Variants in DOCK3 observed in about 807,000 individuals in gnomAD.
DOCK3 encodes dedicator of cytokinesis protein 3.
DOCK3 carries 60 observed loss-of-function variants against 265.6 expected under a neutral mutation model. The ratio of observed to expected loss-of-function variants is 0.23; its 90% CI spans 0.18 to 0.28. The LOEUF (loss-of-function observed/expected upper bound fraction) is 0.28, where lower values mean the gene tolerates loss of function less well. Among genes scored for constraint, DOCK3 ranks in the 10% least tolerant of loss-of-function variants. DOCK3 has a pLI of 1.00. For missense variants in DOCK3, 1,981 were observed against 2,594.3 expected, an observed-to-expected ratio of 0.76 and a Z score of 5.14; for synonymous variants, 881 against 938.0, an observed-to-expected ratio of 0.94 and a Z score of 1.11.
chr3:50,842,593 G>A (rs929794617), intron 3 of DOCK3, among the ~76,000 whole-genome samples: 12 of 151,998 alleles, frequency 7.9e-5, no homozygotes, highest in African/African-American at 2.9e-4. Flanking sequence ...CTTGTGCAAT[G>A]TGAGATGTTT....
At chr3:50,788,399 A>C (rs572629719) in intron 2 of DOCK3, 1 of 211,008 alleles carries the variant, frequency 4.7e-6, no homozygotes, top group East Asian at 1.1e-4. Flanking sequence ...TCAAATGAAA[A>C]AAAGATATTC....
At chr3:50,787,045 T>C in intron 2 of DOCK3, 3 of 738,826 alleles carry the variant, frequency 4.1e-6, no homozygotes, top group South Asian at 4.1e-5. Context: ...ATTTCTTTTC[T>C]TCATATCCAT....
intron 1 of DOCK3, among the ~76,000 whole-genome samples, chr3:50,712,634 G>A (rs943086416): frequency 3.3e-5 from 5 of 152,246 alleles, no homozygotes; most frequent in African/African-American, 9.6e-5. Context: ...CACCATGTCC[G>A]GCCGCCTCTT....
At chr3:51,353,469 A>G (rs1231872466) in intron 40 of DOCK3, among the ~76,000 whole-genome samples, 2 of 152,204 alleles carry the variant, frequency 1.3e-5, no homozygotes, top group Non-Finnish European at 2.9e-5. Flanking sequence ...AAAATTAGCC[A>G]GGCATGGTGC....
intron 3 of DOCK3, among the ~76,000 whole-genome samples, chr3:50,843,205 G>A (rs1209446132): frequency 6.6e-6 from 1 of 152,120 alleles, no homozygotes; most frequent in African/African-American, 2.4e-5. Context: ...TTTGTGACTT[G>A]ACTGGGTCAG....
intron 3 of DOCK3, among the ~76,000 whole-genome samples, chr3:50,855,705 A>G (rs1416218462): frequency 1.3e-5 from 2 of 152,152 alleles, no homozygotes; most frequent in East Asian, 1.9e-4. Context: ...GTCCAGGGAT[A>G]CATGTGCAGG....
At chr3:50,782,174 G>A (rs973253299) in intron 2 of DOCK3, among the ~76,000 whole-genome samples, 2 of 151,578 alleles carry the variant, frequency 1.3e-5, no homozygotes, top group African/African-American at 4.8e-5. Context: ...TGGCAGTTCT[G>A]TTTTTAGGTC....
chr3:51,103,588 A>G (rs556244346), intron 9 of DOCK3, among the ~76,000 whole-genome samples: 13 of 152,366 alleles, frequency 8.5e-5, no homozygotes, highest in African/African-American at 3.1e-4. Context: ...AAGGTTCAAA[A>G]CAATTCTCCA....
At chr3:50,979,960 C>T (rs140390113) in intron 5 of DOCK3, among the ~76,000 whole-genome samples, 34 of 152,166 alleles carry the variant, frequency 2.2e-4, no homozygotes, top group African/African-American at 8.2e-4. Flanking sequence ...TTTCTCTTGC[C>T]TGATTACTCT....
At chr3:51,315,623 T>G (rs1472289288) in intron 32 of DOCK3, among the ~76,000 whole-genome samples, 1 of 152,066 alleles carries the variant, frequency 6.6e-6, no homozygotes, top group African/African-American at 2.4e-5. Context: ...GTGTAGTTCT[T>G]TTGCCACCAC....
At chr3:50,895,170 A>G (rs1233618113) in intron 4 of DOCK3, among the ~76,000 whole-genome samples, 1 of 150,712 alleles carries the variant, frequency 6.6e-6, no homozygotes, top group Non-Finnish European at 1.5e-5. Flanking sequence ...TTCAGCATCC[A>G]TATGAAATGC....
At chr3:51,006,976 G>A (rs2078705527) in intron 5 of DOCK3, among the ~76,000 whole-genome samples, 1 of 152,148 alleles carries the variant, frequency 6.6e-6, no homozygotes, top group Non-Finnish European at 1.5e-5. Context: ...TGGCTGTGTA[G>A]TATTCCATGG....
chr3:51,356,103 G>T lies in DOCK3; in HGVS notation c.4264G>T (p.Ala1422Ser). The T allele has an allele frequency of 6.2e-7, 1 of 1,613,964 alleles. No individual in the cohort carries two copies. The highest frequency in any genetic ancestry group is 8.5e-7 in the Non-Finnish European group (1 of 1,179,878). ...TTCCTGCCCAGACTTGCAGATCTAT[G>T]CAGTGACGCCCATTCCAGATTATGT... The part of the protein sequence containing the change: ...QCDAQYLQIY[A>S]VTPIPDYVDV... The change falls in exon 42 of 53, where the codon GCA (alanine) becomes TCA (serine). Residue 1422 changes from alanine to serine, a missense_variant. Physicochemically the swap from Ala to Ser is moderately conservative, Grantham distance 99. Around this residue, in one of 4 missense-constraint regions of DOCK3, gnomAD observed 1,357 missense variants for 1,866.8 expected, o/e 0.73. Transcript: ENST00000266037.
chr3:51,095,730 A>G (rs1029431657), intron 9 of DOCK3, among the ~76,000 whole-genome samples: 1 of 151,472 alleles, frequency 6.6e-6, no homozygotes, highest in Non-Finnish European at 1.5e-5. Context: ...GAAAGGTAAT[A>G]CTCAAAAGCT....
At chr3:50,690,030 G>A (rs2035100308) in intron 1 of DOCK3, among the ~76,000 whole-genome samples, 1 of 151,936 alleles carries the variant, frequency 6.6e-6, no homozygotes, top group South Asian at 2.1e-4. Flanking sequence ...GTCATGCTAC[G>A]AAACTGTTGC....
At chr3:51,012,649 C>G (rs907885787) in intron 5 of DOCK3, among the ~76,000 whole-genome samples, 2 of 150,684 alleles carry the variant, frequency 1.3e-5, no homozygotes, top group Admixed American at 6.6e-5. Context: ...ACTGCACCCA[C>G]TGTCCTGCAC....
At chr3:51,081,752 T>C (rs1415576046) in intron 7 of DOCK3, among the ~76,000 whole-genome samples, 1 of 151,760 alleles carries the variant, frequency 6.6e-6, no homozygotes, top group Non-Finnish European at 1.5e-5. Context: ...AAAAATTAGC[T>C]GGGCGTGGTG....
At chr3:50,969,173 A>G (rs1158172010) in intron 5 of DOCK3, among the ~76,000 whole-genome samples, 1 of 152,194 alleles carries the variant, frequency 6.6e-6, no homozygotes, top group Admixed American at 6.5e-5. Flanking sequence ...TGGGGCATGT[A>G]TATTTAGGAT....
chr3:50,854,254 G>C (rs2046472962), intron 3 of DOCK3, among the ~76,000 whole-genome samples: 1 of 151,998 alleles, frequency 6.6e-6, no homozygotes, highest in Non-Finnish European at 1.5e-5. Flanking sequence ...CCCACTCTTA[G>C]ATTGTGTGTT....
Sources: gnomAD v4.1 joint callset for allele counts (sites outside exome capture counted in the v4.1 genomes callset) on GRCh38, gnomAD v4.1.1 for gene constraint, gnomAD v4.1.1 regional missense constraint, MANE v1.5 for transcripts, NCBI Gene and HGNC (gene_info 2026-07-23, HGNC 2026-07-21) for gene names.